ETV6: variants seen among roughly 807,000 people sequenced by gnomAD.
The protein encoded by ETV6 is transcription factor ETV6.
Under a neutral mutation model 51.1 loss-of-function variants are expected in ETV6, and 16 were observed. The ratio of observed to expected loss-of-function variants is 0.31; its 90% CI spans 0.21 to 0.48. The LOEUF (loss-of-function observed/expected upper bound fraction) is 0.48. ETV6 is among the 20% of genes least tolerant of loss of function. ETV6 has a pLI of 0.99. For missense variants in ETV6, 458 were observed against 594.8 expected, an observed-to-expected ratio of 0.77 and a Z score of 2.39; for synonymous variants, 240 against 224.1, an observed-to-expected ratio of 1.07 and a Z score of -0.64.
At chr12:11,705,486 C>A (rs1364665679) in intron 1 of ETV6, among the ~76,000 whole-genome samples, 1 of 152,182 alleles carries the variant, frequency 6.6e-6, no homozygotes, top group Non-Finnish European at 1.5e-5. Flanking sequence ...AGCAATTTTG[C>A]AGCAAACTGC....
intron 2 of ETV6, among the ~76,000 whole-genome samples, chr12:11,770,191 C>G (rs938380178): frequency 6.6e-6 from 1 of 152,114 alleles, no homozygotes; most frequent in African/African-American, 2.4e-5. Context: ...GAACAAGCCT[C>G]GTTGGCCTTG....
chr12:11,729,382 A>C (rs1403348051), intron 1 of ETV6, among the ~76,000 whole-genome samples: 1 of 151,930 alleles, frequency 6.6e-6, no homozygotes, highest in African/African-American at 2.4e-5. Flanking sequence ...ATTTTTTGGA[A>C]GCCCCTTAGA....
chr12:11,770,118 G>T (rs1188866638), intron 2 of ETV6, among the ~76,000 whole-genome samples: 1 of 152,060 alleles, frequency 6.6e-6, no homozygotes, highest in East Asian at 1.9e-4. Context: ...CTTCATAGCC[G>T]TTGCTCTTCA....
intron 1 of ETV6, among the ~76,000 whole-genome samples, chr12:11,696,741 G>A (rs1007437748): frequency 3.4e-4 from 51 of 152,218 alleles, no homozygotes; most frequent in East Asian, 7.7e-4. Context: ...GCCTGAACCC[G>A]GGAGATGGAG....
At chr12:11,873,122 T>C (rs1341967499) in intron 5 of ETV6, among the ~76,000 whole-genome samples, 3 of 152,188 alleles carry the variant, frequency 2.0e-5, no homozygotes, top group Non-Finnish European at 2.9e-5. Flanking sequence ...TCTCCCAATA[T>C]ATATTTTAAC....
Position 11,745,819 on chromosome 12 carries a change from TA to T in ETV6, c.34-6629del, listed in dbSNP as rs563398809. On this transcript the variant is annotated intron_variant, in intron 1 of 7. Coordinates refer to ENST00000396373, the MANE Select transcript of ETV6 (RefSeq NM_001987.5). Reference sequence around the variant, plus strand: ...TTAAAGACAATGTTAGGATAGAAAGTAATATGTTTGTACTCAAAAATGCCCA... The same window carrying T: ...TTAAAGACAATGTTAGGATAGAAAGTATATGTTTGTACTCAAAAATGCCCA... Among the ~76,000 whole-genome samples, 7 of 152,256 alleles carry T rather than the reference TA, an allele frequency of 4.6e-5. No individual in the cohort carries two copies. In the East Asian group the frequency reaches 1.3e-3, roughly 29 times the overall value.
At chr12:11,866,225 G>A (rs1040456631) in intron 4 of ETV6, among the ~76,000 whole-genome samples, 1 of 150,930 alleles carries the variant, frequency 6.6e-6, no homozygotes, top group African/African-American at 2.4e-5. Flanking sequence ...TTTCCCTTTT[G>A]GCAGCCTGTA....
chr12:11,676,960 G>C (rs951432690), intron 1 of ETV6, among the ~76,000 whole-genome samples: 1 of 152,226 alleles, frequency 6.6e-6, no homozygotes, highest in African/African-American at 2.4e-5. Flanking sequence ...AATATTGTCA[G>C]ACATCGCCTG....
intron 1 of ETV6, 148 bp downstream of exon 1, chr12:11,650,308 C>CG: frequency 1.4e-6 from 1 of 737,768 alleles, no homozygotes; most frequent in Non-Finnish European, 2.4e-6. Context: ...ATGCAGCTCG[C>CG]GGTGGCTGCT....
intron 2 of ETV6, among the ~76,000 whole-genome samples, chr12:11,776,007 C>T (rs897210354): frequency 2.0e-5 from 3 of 152,336 alleles, no homozygotes; most frequent in African/African-American, 7.2e-5. Context: ...TACCACAGTG[C>T]CAGGCATCAA....
chr12:11,872,971 G>A (rs1946906532), intron 5 of ETV6, among the ~76,000 whole-genome samples: 2 of 152,128 alleles, frequency 1.3e-5, no homozygotes, highest in African/African-American at 4.8e-5. Context: ...TTTTCTTGAT[G>A]GCTCTAGGAA....
At position 11,892,064 on chromosome 12, in the gene ETV6, G is replaced by A. The variant is rs1173809705; in HGVS notation, c.*1018G>A. The A allele has an allele frequency of 4.3e-6, 1 of 233,566 alleles. No homozygotes were observed. The highest frequency in any genetic ancestry group is 8.4e-6 in the Non-Finnish European group (1 of 118,372). The allele number at this position is 233,566 out of a possible 1,614,324, so 14.5% of individuals were successfully genotyped here. A position where few individuals can be genotyped will look rare whatever the true frequency, so the allele number is the denominator to read the frequency against. The stretch of plus-strand genomic sequence containing the variant: ...GTGGAAAATATGAAAAGACCACACA[G>A]GCCCAGCAGTCCAGAAACTGGGCAA... On this transcript the variant is annotated 3_prime_UTR_variant, in exon 8 of 8. Transcript: ENST00000396373.
chr12:11,806,138 T>C (rs1814296337), intron 2 of ETV6, among the ~76,000 whole-genome samples: 1 of 152,206 alleles, frequency 6.6e-6, no homozygotes, highest in African/African-American at 2.4e-5. Flanking sequence ...AACAACAGCT[T>C]ATGGGGCCCA....
chr12:11,672,154 C>T (rs1323238718), intron 1 of ETV6, among the ~76,000 whole-genome samples: 1 of 152,054 alleles, frequency 6.6e-6, no homozygotes, highest in Non-Finnish European at 1.5e-5. Flanking sequence ...CCTTGACTAC[C>T]CTGTTCCTTC....
intron 1 of ETV6, among the ~76,000 whole-genome samples, chr12:11,735,567 C>T (rs1230626987): frequency 6.6e-6 from 1 of 152,110 alleles, no homozygotes; most frequent in Admixed American, 6.5e-5. Flanking sequence ...GGGTTCCAGG[C>T]CTGGCTTGTC....
At chr12:11,681,504 C>T (rs1191257395) in intron 1 of ETV6, among the ~76,000 whole-genome samples, 2 of 152,050 alleles carry the variant, frequency 1.3e-5, no homozygotes, top group Admixed American at 1.3e-4. Context: ...TAAGGTCTTT[C>T]AGACCACAAT....
chr12:11,757,840 C>T lies in ETV6; in HGVS notation c.163+5261C>T, dbSNP rs936778455. Among the ~76,000 whole-genome samples, 14 of 152,322 alleles carry T rather than the reference C, an allele frequency of 9.2e-5. No homozygotes were observed. In the East Asian group the frequency reaches 2.7e-3, roughly 29 times the overall value. On this transcript the variant is annotated intron_variant, in intron 2 of 7. Coordinates refer to ENST00000396373, the MANE Select transcript of ETV6 (RefSeq NM_001987.5). ...TGAATCCTCAGCAGACTGGCTTCTC[C>T]CTCGTAGTAGGATGAGGGAGAGGAA... is the stretch of plus-strand genomic sequence containing the variant.
At chr12:11,795,085 A>G (rs1945656745) in intron 2 of ETV6, among the ~76,000 whole-genome samples, 1 of 152,240 alleles carries the variant, frequency 6.6e-6, no homozygotes, top group Non-Finnish European at 1.5e-5. Flanking sequence ...AGTACAAGGC[A>G]TATGTGCATA....
chr12:11,757,377 C>T (rs927371901), intron 2 of ETV6, among the ~76,000 whole-genome samples: 1 of 151,988 alleles, frequency 6.6e-6, no homozygotes, highest in African/African-American at 2.4e-5. Flanking sequence ...CCTCTCTTTT[C>T]TAATTGGGTA....
Sources: allele counts gnomAD v4.1 joint callset (sites outside exome capture counted in the v4.1 genomes callset), GRCh38; gene constraint gnomAD v4.1.1; transcripts MANE v1.5; gene names NCBI Gene and HGNC (gene_info 2026-07-23, HGNC 2026-07-21).